The following HMOX2 variants were observed in gnomAD, a reference collection of about 807,000 sequenced individuals.
HMOX2 encodes heme oxygenase 2, also known as heme oxygenase (decycling) 2.
A neutral mutation model predicts 33.7 loss-of-function variants in HMOX2; 30 were observed. The ratio of observed to expected loss-of-function variants is 0.89; its 90% CI spans 0.67 to 1.21. The LOEUF (loss-of-function observed/expected upper bound fraction) is 1.21. Among genes scored for constraint, HMOX2 ranks in the 50% most tolerant of loss-of-function variants. The probability of loss-of-function intolerance (pLI) is 0.00; values close to 1 mark genes in which losing one functional copy is unlikely to be tolerated. For missense variants in HMOX2, 403 were observed against 399.1 expected, an observed-to-expected ratio of 1.01 and a Z score of -0.08; for synonymous variants, 155 against 155.0, an observed-to-expected ratio of 1.00 and a Z score of 0.00.
Position 4,508,012 on chromosome 16 carries a change from GA to G in HMOX2, c.506del (p.Lys169ArgfsTer7). On this transcript the variant is annotated frameshift_variant, in exon 4 of 6. Transcript: ENST00000570646. LOFTEE classifies it high-confidence loss of function. ...ATCTCTCGGGGGGCCAGGTGCTGAA[GA>G]AGGTGGCCCAGCGAGCACTGAAACT... ...GDLSGGQVLK[K>X]VAQRALKLPS... is the part of the protein sequence containing the mutation. The G allele has an allele frequency of 6.2e-7, 1 of 1,614,046 alleles. No individual in the cohort carries two copies. The highest frequency in any genetic ancestry group is 1.1e-5 in the South Asian group (1 of 91,068).
intron 3 of HMOX2, among the ~76,000 whole-genome samples, chr16:4,507,505 G>A (rs1397936500): frequency 2.0e-5 from 3 of 151,966 alleles, no homozygotes; most frequent in African/African-American, 7.3e-5. Context: ...GTGGTGTGAA[G>A]GAAGCAAAAG....
intron 1 of HMOX2, among the ~76,000 whole-genome samples, chr16:4,500,378 G>A (rs535811288): frequency 6.6e-6 from 1 of 152,150 alleles, no homozygotes; most frequent in Non-Finnish European, 1.5e-5. Flanking sequence ...TGTTTGTGGG[G>A]TAACAACCCG....
At chr16:4,505,647 G>C in intron 2 of HMOX2, 37 bp downstream of exon 2, 1 of 1,406,648 alleles carries the variant, frequency 7.1e-7, no homozygotes, top group Admixed American at 1.9e-5. Flanking sequence ...AATCAGGTGG[G>C]CCCAGCACCT....
intron 1 of HMOX2, among the ~76,000 whole-genome samples, chr16:4,485,870 C>A (rs750249413): frequency 6.6e-6 from 1 of 152,028 alleles, no homozygotes; most frequent in Non-Finnish European, 1.5e-5. Context: ...GATTAAGGCA[C>A]CTGCCACCAC....
chr16:4,485,208 C>T (rs1174967007), intron 1 of HMOX2, among the ~76,000 whole-genome samples: 2 of 152,096 alleles, frequency 1.3e-5, no homozygotes, highest in Non-Finnish European at 2.9e-5. Context: ...TTAAGTGATT[C>T]ACCCACCTCC....
In HMOX2 at chr16:4,491,213, C is replaced by T. The variant is rs369653023; in HGVS notation, c.-41-14271C>T. ...AATTAAACCTTTACTTTTTATAAGTCGCTCTAAAGAAACAAAAGTGTGTCC... is the reference window on the plus strand; with the variant it reads ...AATTAAACCTTTACTTTTTATAAGTTGCTCTAAAGAAACAAAAGTGTGTCC... On this transcript the variant is annotated intron_variant, in intron 1 of 5. Transcript: ENST00000570646. Among the ~76,000 whole-genome samples the T allele has an allele frequency of 8.8e-4, 134 of 152,248 alleles. 1 individual carries two copies. The highest frequency in any genetic ancestry group is 3.0e-3 in the African/African-American group (124 of 41,540).
chr16:4,491,436 G>A (rs1482898549), intron 1 of HMOX2, among the ~76,000 whole-genome samples: 2 of 152,032 alleles, frequency 1.3e-5, no homozygotes, highest in Non-Finnish European at 2.9e-5. Flanking sequence ...GATCACTTGA[G>A]TTCAGGAGTT....
At chr16:4,501,147 G>A (rs553472920) in intron 1 of HMOX2, among the ~76,000 whole-genome samples, 11 of 151,890 alleles carry the variant, frequency 7.2e-5, no homozygotes, top group Non-Finnish European at 1.6e-4. Flanking sequence ...CCTTCCCTTC[G>A]CTGCCTTCCC....
intron 1 of HMOX2, among the ~76,000 whole-genome samples, chr16:4,476,977 T>G (rs1478680135): frequency 6.6e-6 from 1 of 152,134 alleles, no homozygotes; most frequent in Non-Finnish European, 1.5e-5. Flanking sequence ...CCCTTATCTC[T>G]ATAGGAAGTG....
chr16:4,507,808 C>A lies in HMOX2; in HGVS notation c.300C>A (p.Pro100=). The change falls in exon 4 of 6, where the codon CCC becomes CCA. Residue 100 remains proline, a synonymous_variant. Transcript: ENST00000570646. ...DHPAFAPLYF[P]MELHRKEALT... Reference sequence around the variant, plus strand: ...CAGCCTTTGCCCCTTTGTACTTCCCCATGGAGCTGCACCGGAAGGAGGCGC... The same window carrying A: ...CAGCCTTTGCCCCTTTGTACTTCCCAATGGAGCTGCACCGGAAGGAGGCGC... 1 of 1,614,202 alleles carries A rather than the reference C, an allele frequency of 6.2e-7. No homozygotes were observed. The highest frequency in any genetic ancestry group is 8.5e-7 in the Non-Finnish European group (1 of 1,180,040).
rs569642900 is a variant in HMOX2 at position 4,499,238 on chromosome 16, G to A, written c.-41-6246G>A. On this transcript the variant is annotated intron_variant, in intron 1 of 5. Coordinates refer to ENST00000570646, the MANE Select transcript of HMOX2 (RefSeq NM_002134.4). ...GCTGCATTTTGTCAAACATTCATGC[G>A]TGTTAGCCCACTTAGTCTTCGCAGC... 3.3e-5 allele frequency among the ~76,000 whole-genome samples: 5 copies of A among 152,332 alleles called. 1 individual carries two copies. The South Asian group carries it at 6.2e-4, about 19-fold the overall frequency.
At chr16:4,507,432 G>C (rs2058721954) in intron 3 of HMOX2, among the ~76,000 whole-genome samples, 1 of 151,058 alleles carries the variant, frequency 6.6e-6, no homozygotes, top group African/African-American at 2.4e-5. Flanking sequence ...GTGACAGAGC[G>C]AGACTCTTTA....
In HMOX2 at chr16:4,508,319, T is replaced by A. The variant is rs975447449; in HGVS notation, c.696+115T>A. On this transcript the variant is annotated intron_variant, in intron 4 of 5. Transcript: ENST00000570646. ...GCATTAGGACAGATGAGCTGCAGGG[T>A]GCCGAGAGGAAGGTGGCCACCAGAT... The A allele has an allele frequency of 1.0e-5, 13 of 1,265,152 alleles. No individual in the cohort carries two copies. In the African/African-American group the frequency reaches 2.0e-4, roughly 19 times the overall value. 78.4% of individuals were successfully genotyped at this position (1,265,152 alleles called of 1,614,324 possible).
At chr16:4,483,201 GTGTGTGTGTGTGTGTGTGTGTGTT>G (rs1567380671) in intron 1 of HMOX2, among the ~76,000 whole-genome samples, 2 of 67,608 alleles carry the variant, frequency 3.0e-5, no homozygotes, top group Non-Finnish European at 8.4e-5. Flanking sequence ...GTGTGTGTGT[GTGTGTGTGTGTGTGTGTGTGTGTT>G]TATGGAGGCT....
At chr16:4,497,511 C>T (rs986726774) in intron 1 of HMOX2, among the ~76,000 whole-genome samples, 1 of 152,138 alleles carries the variant, frequency 6.6e-6, no homozygotes, top group African/African-American at 2.4e-5. Flanking sequence ...GGAACAGGGG[C>T]GAGTCTTGTG....
chr16:4,502,126 T>A (rs17885045), intron 1 of HMOX2, among the ~76,000 whole-genome samples: 142 of 152,324 alleles, frequency 9.3e-4, no homozygotes, highest in African/African-American at 3.2e-3. Context: ...GCTTTCACCA[T>A]GTTGGCCAGG....
At chr16:4,493,605 T>C (rs2058351938) in intron 1 of HMOX2, among the ~76,000 whole-genome samples, 1 of 152,322 alleles carries the variant, frequency 6.6e-6, no homozygotes, top group African/African-American at 2.4e-5. Flanking sequence ...CTTAACCACA[T>C]CTATGTGCTG....
chr16:4,507,754 G>A lies in HMOX2; in HGVS notation c.246G>A (p.Glu82=), dbSNP rs768880149. Residue 82 remains glutamate, a synonymous_variant, in exon 4 of 6, where the codon GAG becomes GAA. Transcript: ENST00000570646. Reference sequence around the variant, plus strand: ...TTTACTTCACATACTCAGCCCTCGAGGAGGAAATGGAGCGCAACAAGGACC... The same window carrying A: ...TTTACTTCACATACTCAGCCCTCGAAGAGGAAATGGAGCGCAACAAGGACC... ...TALYFTYSAL[E]EEMERNKDHP... The A allele has an allele frequency of 1.2e-6, 2 of 1,614,174 alleles. No homozygotes were observed. Among genetic ancestry groups the A allele is most frequent in the Non-Finnish European group, 8.5e-7 (1 of 1,180,036 alleles).
intron 1 of HMOX2, among the ~76,000 whole-genome samples, chr16:4,481,469 G>C (rs1382134880): frequency 6.6e-6 from 1 of 152,002 alleles, no homozygotes; most frequent in Non-Finnish European, 1.5e-5. Context: ...ATTTTTATGC[G>C]AAACACCTGT....
Sources: allele counts gnomAD v4.1 joint callset (sites outside exome capture counted in the v4.1 genomes callset), GRCh38; gene constraint gnomAD v4.1.1; transcripts MANE v1.5; gene names NCBI Gene and HGNC (gene_info 2026-07-23, HGNC 2026-07-21).